LTN1: variants seen among roughly 807,000 people sequenced by gnomAD.
The protein encoded by LTN1 is E3 ubiquitin-protein ligase listerin.
Under a neutral mutation model 201.2 loss-of-function variants are expected in LTN1, and 88 were observed. The ratio of observed to expected loss-of-function variants is 0.44; its 90% CI spans 0.37 to 0.52. LTN1 has a LOEUF of 0.52. Among genes scored for constraint, LTN1 ranks in the 20% least tolerant of loss-of-function variants. The probability of loss-of-function intolerance (pLI) is 0.00; values close to 1 mark genes in which losing one functional copy is unlikely to be tolerated. For missense variants in LTN1, 1,752 were observed against 2,038.7 expected (o/e 0.86, Z 2.71); for synonymous variants, 645 against 713.5 (o/e 0.90, Z 1.53).
intron 26 of LTN1, 65 bp downstream of exon 26, chr21:28,936,461 A>G (rs2084257694): frequency 7.5e-7 from 1 of 1,326,186 alleles, no homozygotes; most frequent in African/African-American, 1.5e-5. Flanking sequence ...TCTCAGGGAA[A>G]AGTTTAATTC....
In LTN1 at chr21:28,959,447, T is replaced by C. The variant is rs1349109180; in HGVS notation, c.2593+11A>G. 5 of 1,609,066 alleles carry C rather than the reference T, an allele frequency of 3.1e-6. No homozygotes were observed. The highest frequency in any genetic ancestry group is 2.2e-5 in the East Asian group (1 of 44,772). On this transcript the variant is annotated intron_variant, in intron 13 of 29. Coordinates refer to ENST00000361371, the MANE Select transcript of LTN1 (RefSeq NM_015565.3). ...GATTCCCAACAAAACATTTGAGCAG[T>C]AGGCTATTACCTGGCAAATGTGTTT...
chr21:28,967,263 A>C, intron 9 of LTN1, 84 bp from the exon 10 acceptor site: 1 of 950,566 alleles, frequency 1.1e-6, no homozygotes, highest in Non-Finnish European at 1.6e-6. Flanking sequence ...AATCCTTGGA[A>C]TCTCCAAAGT....
At chr21:28,978,903 T>C (rs377531533) in intron 6 of LTN1, among the ~76,000 whole-genome samples, 1 of 152,124 alleles carries the variant, frequency 6.6e-6, no homozygotes, top group East Asian at 1.9e-4. Context: ...GTAATTCCAG[T>C]TAAAGAGAGA....
Position 28,953,323 on chromosome 21 carries a change from T to C in LTN1, c.3133A>G (p.Ile1045Val), listed in dbSNP as rs149946471. 2 of 1,607,142 alleles carry C rather than the reference T, an allele frequency of 1.2e-6. No homozygotes were observed. The highest frequency in any genetic ancestry group is 1.7e-6 in the Non-Finnish European group (2 of 1,177,986). ...QWCEELDNPP[I>V]FLIGFCEILQ... ...ATTTCACAAAATCCAATTAGAAAAA[T>C]AGGTGGGTTATCTAATTCTTCACAC... Residue 1045 changes from isoleucine (I) to valine (V), a missense_variant, in exon 17 of 30, where the codon ATT becomes GTT. Physicochemically the swap from Ile to Val is conservative, Grantham distance 29. Transcript: ENST00000361371.
chr21:28,958,303 C>G, intron 14 of LTN1, 83 bp downstream of exon 14: 1 of 1,294,540 alleles, frequency 7.7e-7, no homozygotes, highest in Non-Finnish European at 1.1e-6. Flanking sequence ...TTTTCATAGG[C>G]ACTCACACTG....
chr21:28,963,924 G>A (rs1228064809), intron 11 of LTN1, among the ~76,000 whole-genome samples: 2 of 152,166 alleles, frequency 1.3e-5, no homozygotes, highest in Non-Finnish European at 1.5e-5. Context: ...GGAGGAAAGA[G>A]GCAAAGAACT....
chr21:28,969,640 G>T, intron 8 of LTN1, 39 bp from the exon 9 acceptor site: 1 of 1,472,772 alleles, frequency 6.8e-7, no homozygotes, highest in East Asian at 2.3e-5. Flanking sequence ...CTTTCATGAA[G>T]AAGAAACAAG....
intron 13 of LTN1, among the ~76,000 whole-genome samples, chr21:28,958,828 A>T (rs186481978): frequency 2.4e-4 from 36 of 152,188 alleles, no homozygotes; most frequent in African/African-American, 5.5e-4. Flanking sequence ...AGACATTTTT[A>T]AAAAAATTAT....
chr21:28,938,201 T>C (rs760385320), intron 25 of LTN1, among the ~76,000 whole-genome samples: 10 of 152,258 alleles, frequency 6.6e-5, no homozygotes, highest in Admixed American at 1.3e-4. Flanking sequence ...AAAAATTAGA[T>C]ATTATTGCAT....
chr21:28,948,310 G>C (rs1246676864), intron 18 of LTN1, among the ~76,000 whole-genome samples: 2 of 76,708 alleles, frequency 2.6e-5, no homozygotes, highest in African/African-American at 1.1e-4. Context: ...CACTCTTGTT[G>C]CCCAGGCTGG....
At chr21:28,991,214 C>G (rs2084742599) in intron 1 of LTN1, among the ~76,000 whole-genome samples, 1 of 151,412 alleles carries the variant, frequency 6.6e-6, no homozygotes, top group African/African-American at 2.4e-5. Flanking sequence ...CCGCTTGAGC[C>G]CAAGAGGTTG....
At chr21:28,968,859 G>C (rs1043786121) in intron 9 of LTN1, among the ~76,000 whole-genome samples, 1 of 151,434 alleles carries the variant, frequency 6.6e-6, no homozygotes, top group Non-Finnish European at 1.5e-5. Flanking sequence ...CACCCACCTC[G>C]GCCTTCCAAA....
intron 18 of LTN1, 75 bp from the exon 19 acceptor site, chr21:28,947,681 G>C (rs1601174224): frequency 1.2e-6 from 1 of 862,650 alleles, no homozygotes. Flanking sequence ...CTTTTATTTA[G>C]ACTACTGAAA....
intron 27 of LTN1, among the ~76,000 whole-genome samples, chr21:28,933,862 G>A (rs960662235): frequency 1.3e-5 from 2 of 152,096 alleles, no homozygotes; most frequent in Non-Finnish European, 2.9e-5. Flanking sequence ...TTTTAGTAGA[G>A]ATGGGGTTTC....
intron 17 of LTN1, among the ~76,000 whole-genome samples, 171 bp from the exon 18 acceptor site, chr21:28,952,435 T>C (rs1400429959): frequency 2.0e-5 from 3 of 152,228 alleles, no homozygotes; most frequent in Non-Finnish European, 4.4e-5. Context: ...TCCAAAGAGC[T>C]GAGAGTTTCG....
intron 28 of LTN1, 144 bp from the exon 29 acceptor site, chr21:28,931,466 T>C (rs2084210505): frequency 1.8e-6 from 1 of 560,920 alleles, no homozygotes; most frequent in Admixed American, 3.5e-5. Flanking sequence ...AACTTATGAA[T>C]GTTGGTTTTT....
chr21:28,991,259 C>T (rs1463926741), intron 1 of LTN1, among the ~76,000 whole-genome samples: 1 of 150,004 alleles, frequency 6.7e-6, no homozygotes, highest in East Asian at 1.9e-4. Flanking sequence ...CCACCACACT[C>T]CAGGTTTGGA....
At chr21:28,960,763 CAA>C (rs2146291083) in intron 11 of LTN1, 57 bp from the exon 12 acceptor site, 1 of 1,160,552 alleles carries the variant, frequency 8.6e-7, no homozygotes, top group East Asian at 2.4e-5. Flanking sequence ...TCTCTCTGTC[CAA>C]AATATTACTT....
At chr21:28,951,925 G>A (rs577649069) in intron 18 of LTN1, among the ~76,000 whole-genome samples, 14 of 152,118 alleles carry the variant, frequency 9.2e-5, no homozygotes, top group Admixed American at 2.0e-4. Context: ...AGCCATGTTC[G>A]CATCACTGAA....
Sources: allele counts gnomAD v4.1 joint callset (sites outside exome capture counted in the v4.1 genomes callset), GRCh38; gene constraint gnomAD v4.1.1; transcripts MANE v1.5; gene names NCBI Gene and HGNC (gene_info 2026-07-23, HGNC 2026-07-21).